DPP6: variants seen among roughly 807,000 people sequenced by gnomAD.
The protein encoded by DPP6 is A-type potassium channel modulatory protein DPP6.
DPP6 carries 69 observed loss-of-function variants against 122.6 expected under a neutral mutation model. The observed-to-expected ratio is 0.56, with a 90% CI of 0.46 to 0.69. The LOEUF (loss-of-function observed/expected upper bound fraction) is 0.69, where lower values mean the gene tolerates loss of function less well. Among genes scored for constraint, DPP6 ranks in the 30% least tolerant of loss-of-function variants. The pLI, the probability that DPP6 is intolerant of heterozygous loss-of-function variation, is 0.00. For synonymous variants in DPP6, 418 were observed against 433.1 expected, an observed-to-expected ratio of 0.97 and a Z score of 0.43; for missense variants, 928 against 1,116.9, an observed-to-expected ratio of 0.83 and a Z score of 2.41.
At chr7:154,362,968 A>G (rs537102355) in intron 1 of DPP6, among the ~76,000 whole-genome samples, 24 of 152,278 alleles carry the variant, frequency 1.6e-4, no homozygotes, top group African/African-American at 5.5e-4. Context: ...TCCCGTGCAC[A>G]TGAAGGTTGG....
At chr7:154,049,025 A>C (rs1425209730), upstream of DPP6, among the ~76,000 whole-genome samples, 241 of 148,310 alleles carry the variant, frequency 1.6e-3, no homozygotes, top group Non-Finnish European at 1.7e-3. Flanking sequence ...TAATCATATG[A>C]AACTAGATAG....
chr7:154,276,849 A>G (rs983538104), intron 1 of DPP6, among the ~76,000 whole-genome samples: 9 of 152,354 alleles, frequency 5.9e-5, no homozygotes, highest in African/African-American at 1.4e-4. Context: ...TATTACATAT[A>G]TAGTCTTCAT....
Position 154,669,401 on chromosome 7 carries a change from A to T in DPP6, c.722A>T (p.Lys241Ile). Residue 241 changes from lysine to isoleucine, a missense_variant, in exon 7 of 26, where the codon AAA becomes ATA. Physicochemically the swap from Lys to Ile is moderately radical, Grantham distance 102. Transcript: ENST00000377770. ...GACCCACCAGAAGTCAGCAATGCAA[A>T]ACTTCAGTATGCAGGATGGGGCCCT... The part of the protein sequence containing the change: ...SLDPPEVSNA[K>I]LQYAGWGPKG... 6.4e-7 allele frequency: 1 copy of T among 1,557,280 alleles called. No individual in the cohort carries two copies. The highest frequency in any genetic ancestry group is 8.7e-7 in the Non-Finnish European group (1 of 1,149,722).
At chr7:153,840,644 G>C in the DPP6 span, among the ~76,000 whole-genome samples, 1 of 152,206 alleles carries the variant, frequency 6.6e-6, no homozygotes, top group Non-Finnish European at 1.5e-5. Flanking sequence ...GAGATGTAAA[G>C]AGACTATCTG....
At chr7:154,775,577 G>C (rs181247455) in intron 10 of DPP6, among the ~76,000 whole-genome samples, 5 of 152,260 alleles carry the variant, frequency 3.3e-5, no homozygotes, top group African/African-American at 4.8e-5. Flanking sequence ...GAACCAGTGA[G>C]CTCTTAAAAA....
At chr7:153,987,579 A>G (rs1311764121) in intron 1 of DPP6, among the ~76,000 whole-genome samples, 1 of 152,118 alleles carries the variant, frequency 6.6e-6, no homozygotes, top group Non-Finnish European at 1.5e-5. Context: ...TCCCTCAGAA[A>G]ACTAAATGTC....
intron 1 of DPP6, among the ~76,000 whole-genome samples, chr7:154,232,741 G>A (rs913780014): frequency 2.0e-5 from 3 of 152,186 alleles, no homozygotes; most frequent in African/African-American, 7.2e-5. Flanking sequence ...GCTCACATCA[G>A]GGTATCTATA....
At chr7:154,852,397 G>C (rs1286839949) in intron 16 of DPP6, among the ~76,000 whole-genome samples, 2 of 151,938 alleles carry the variant, frequency 1.3e-5, no homozygotes, top group East Asian at 3.9e-4. Flanking sequence ...GTCTCCCTGG[G>C]ACCACCCACT....
intron 1 of DPP6, among the ~76,000 whole-genome samples, chr7:154,023,045 G>T (rs1798780092): frequency 6.6e-6 from 1 of 152,010 alleles, no homozygotes; most frequent in Non-Finnish European, 1.5e-5. Flanking sequence ...TGTCCTGAGT[G>T]TAAGCTAGGA....
rs906710865 is a variant in DPP6 at position 154,453,576 on chromosome 7, C to T, written c.358+7248C>T. Among the ~76,000 whole-genome samples the T allele has an allele frequency of 4.0e-5, 6 of 150,400 alleles. No individual in the cohort carries two copies. The South Asian group carries it at 1.3e-3, about 31-fold the overall frequency. On this transcript the variant is annotated intron_variant, in intron 2 of 25. Transcript: ENST00000377770. ...GATATTAAATATATAAATATAAACA[C>T]ATGTGAGTAAGCTATTGTTGAATTT...
At chr7:153,933,114 T>C (rs1363751368) in intron 1 of DPP6, among the ~76,000 whole-genome samples, 1 of 152,222 alleles carries the variant, frequency 6.6e-6, no homozygotes, top group East Asian at 1.9e-4. Flanking sequence ...CCATTAAACC[T>C]CTTTTTCTTT....
At chr7:154,838,099 G>T (rs1354765154) in intron 16 of DPP6, among the ~76,000 whole-genome samples, 3 of 152,136 alleles carry the variant, frequency 2.0e-5, no homozygotes, top group African/African-American at 7.2e-5. Flanking sequence ...AGGTTTGGTT[G>T]GTGGCACTCC....
At chr7:154,810,781 G>T (rs1799010349) in intron 16 of DPP6, among the ~76,000 whole-genome samples, 1 of 152,170 alleles carries the variant, frequency 6.6e-6, no homozygotes, top group East Asian at 1.9e-4. Context: ...CAGCCACACT[G>T]GGTCACACAC....
At chr7:154,002,052 G>T (rs1221683463) in intron 1 of DPP6, among the ~76,000 whole-genome samples, 2 of 152,134 alleles carry the variant, frequency 1.3e-5, no homozygotes, top group African/African-American at 4.8e-5. Context: ...TTTCCAAGTT[G>T]CCACTCTACC....
the DPP6 span, among the ~76,000 whole-genome samples, chr7:153,826,722 A>G: frequency 2.6e-5 from 4 of 152,206 alleles, no homozygotes; most frequent in Non-Finnish European, 5.9e-5. Context: ...AAACATCAAT[A>G]TGGCTTCCAT....
At chr7:154,530,404 A>G (rs1033830833) in intron 3 of DPP6, among the ~76,000 whole-genome samples, 2 of 152,202 alleles carry the variant, frequency 1.3e-5, no homozygotes, top group African/African-American at 2.4e-5. Flanking sequence ...AAAGCACATC[A>G]CATCATTAGA....
chr7:154,707,999 G>A (rs531150316), intron 7 of DPP6, among the ~76,000 whole-genome samples: 2 of 152,170 alleles, frequency 1.3e-5, no homozygotes, highest in Non-Finnish European at 2.9e-5. Flanking sequence ...TATAACAAAA[G>A]GTTGTGTATT....
At chr7:153,757,715 T>C in the DPP6 span, among the ~76,000 whole-genome samples, 1 of 152,180 alleles carries the variant, frequency 6.6e-6, no homozygotes, top group Non-Finnish European at 1.5e-5. Context: ...CCTAGCACTT[T>C]GGGAGGCCGA....
intron 1 of DPP6, among the ~76,000 whole-genome samples, chr7:154,256,367 C>A (rs984939885): frequency 6.6e-6 from 1 of 152,168 alleles, no homozygotes; most frequent in East Asian, 1.9e-4. Flanking sequence ...CAGAGGGCAG[C>A]ACAGTGGCCC....
Sources: allele counts gnomAD v4.1 joint callset (sites outside exome capture counted in the v4.1 genomes callset), GRCh38; gene constraint gnomAD v4.1.1; transcripts MANE v1.5; gene names NCBI Gene and HGNC (gene_info 2026-07-23, HGNC 2026-07-21).